The following CCDC110 variants were observed in gnomAD, a reference collection of about 807,000 sequenced individuals.
CCDC110 encodes coiled-coil domain-containing protein 110.
Under a neutral mutation model 77.1 loss-of-function variants are expected in CCDC110, and 70 were observed. The observed-to-expected ratio is 0.91, with a 90% CI of 0.75 to 1.11. The LOEUF (loss-of-function observed/expected upper bound fraction) is 1.11, where lower values mean the gene tolerates loss of function less well. Among genes scored for constraint, CCDC110 ranks in the 50% least tolerant of loss-of-function variants. The probability of loss-of-function intolerance (pLI) is 0.00; values close to 1 mark genes in which losing one functional copy is unlikely to be tolerated. For synonymous variants in CCDC110, 295 were observed against 312.5 expected (o/e 0.94, Z 0.59); for missense variants, 868 against 942.9 (o/e 0.92, Z 1.04).
chr4:185,445,744 A>T (rs768797186), intron 6 of CCDC110, among the ~76,000 whole-genome samples: 5 of 152,244 alleles, frequency 3.3e-5, no homozygotes, highest in Non-Finnish European at 4.4e-5. Flanking sequence ...CTTTTATAAA[A>T]ACAGTAGTAC....
At chr4:185,447,049 C>A (rs565813644) in intron 6 of CCDC110, among the ~76,000 whole-genome samples, 6 of 152,250 alleles carry the variant, frequency 3.9e-5, no homozygotes, top group African/African-American at 1.2e-4. Context: ...CTAAAGTCTG[C>A]TAATATCCTC....
chr4:185,453,027 C>T (rs1028402261), intron 6 of CCDC110, among the ~76,000 whole-genome samples: 3 of 151,726 alleles, frequency 2.0e-5, no homozygotes, highest in African/African-American at 7.3e-5. Flanking sequence ...TTATGAACAC[C>T]AAATTTAAAA....
chr4:185,465,444 C>T (rs1013103830), intron 2 of CCDC110, among the ~76,000 whole-genome samples: 21 of 152,196 alleles, frequency 1.4e-4, no homozygotes, highest in African/African-American at 5.1e-4. Context: ...CATCTTCCAT[C>T]TCTTCTTCCT....
chr4:185,456,713 C>A (rs1010548610), intron 6 of CCDC110, among the ~76,000 whole-genome samples: 2 of 152,236 alleles, frequency 1.3e-5, no homozygotes, highest in Admixed American at 6.5e-5. Context: ...AATAGAAAAT[C>A]TGAGTAGTTC....
At chr4:185,470,647 GAA>G (rs2095664336) in intron 2 of CCDC110, 1 of 523,216 alleles carries the variant, frequency 1.9e-6, no homozygotes, top group African/African-American at 1.9e-5. Flanking sequence ...CCGCCCTGCT[GAA>G]TGCCCGCTCC....
intron 6 of CCDC110, among the ~76,000 whole-genome samples, chr4:185,446,551 T>C (rs1405116521): frequency 6.6e-6 from 1 of 152,178 alleles, no homozygotes; most frequent in Non-Finnish European, 1.5e-5. Context: ...ATCTAGTCAG[T>C]TGCTTAAGTT....
Position 185,471,723 on chromosome 4 carries a change from C to T in CCDC110, c.-40G>A, listed in dbSNP as rs747193313. On this transcript the variant is annotated 5_prime_UTR_variant, in exon 1 of 7. It adds an upstream start codon to the 5' untranslated region. Coordinates refer to ENST00000307588, the MANE Select transcript of CCDC110 (RefSeq NM_152775.4). ...TCTCTCGCAACCGCCGCCGCACGCA[C>T]CCGCTCCGCCGCCCCGCGCAGGGCA... 12 of 1,518,692 alleles carry T rather than the reference C, an allele frequency of 7.9e-6. No individual in the cohort carries two copies. Among genetic ancestry groups the T allele is most frequent in the South Asian group, 1.3e-5 (1 of 79,782 alleles). The allele number at this position is 1,518,692 out of a possible 1,614,324, so 94.1% of individuals were successfully genotyped here. A position where few individuals can be genotyped will look rare whatever the true frequency, so the allele number is the denominator to read the frequency against.
chr4:185,471,035 C>T lies in CCDC110; in HGVS notation c.25G>A (p.Glu9Lys). The change falls in exon 2 of 7, where the codon GAA becomes AAA. Residue 9 changes from glutamate to lysine, a missense_variant. Physicochemically the swap from Glu to Lys is moderately conservative, Grantham distance 56. Coordinates refer to ENST00000307588, the MANE Select transcript of CCDC110 (RefSeq NM_152775.4). The stretch of plus-strand genomic sequence containing the variant: ...AGAACGGAGTCAACTTCATCCTCTT[C>T]CCGGTGCTGCTTTTCTGTAACAGAA... MSPEKQHR[E>K]EDEVDSVLLS... is the part of the protein sequence containing the mutation. The T allele has an allele frequency of 5.7e-6, 9 of 1,585,446 alleles. No homozygotes were observed. Among genetic ancestry groups the T allele is most frequent in the South Asian group, 1.1e-5 (1 of 89,892 alleles).
chr4:185,459,404 T>C lies in CCDC110; in HGVS notation c.1183A>G (p.Lys395Glu). 2 of 1,612,082 alleles carry C rather than the reference T, an allele frequency of 1.2e-6. No individual in the cohort carries two copies. Among genetic ancestry groups the C allele is most frequent in the South Asian group, 2.2e-5 (2 of 90,696 alleles). ...TTTACTAGAAATGGTTGTCTTTCTTTGTCTTTCATTTCATGTTTTGTTTGG... is the reference window on the plus strand; with the variant it reads ...TTTACTAGAAATGGTTGTCTTTCTTCGTCTTTCATTTCATGTTTTGTTTGG... ...LDQTKHEMKD[K>E]ERQPFLVKQG... is the part of the protein sequence containing the mutation. Residue 395 changes from lysine (K) to glutamate (E), a missense_variant, in exon 6 of 7, where the codon AAA (lysine) becomes GAA (glutamate). Transcript: ENST00000307588.
At position 185,459,389 on chromosome 4, in the gene CCDC110, A is replaced by G. The variant is rs369695651; in HGVS notation, c.1198T>C (p.Phe400Leu). The change falls in exon 6 of 7, where the codon TTT becomes CTT. Residue 400 changes from phenylalanine to leucine, a missense_variant. Physicochemically the swap from Phe to Leu is conservative, Grantham distance 22 (BLOSUM62 0). Coordinates refer to ENST00000307588, the MANE Select transcript of CCDC110 (RefSeq NM_152775.4). ...ATTATTGATCCTTGTTTTACTAGAAATGGTTGTCTTTCTTTGTCTTTCATT... is the reference window on the plus strand; with the variant it reads ...ATTATTGATCCTTGTTTTACTAGAAGTGGTTGTCTTTCTTTGTCTTTCATT... ...HEMKDKERQP[F>L]LVKQGSIISE... is the part of the protein sequence containing the mutation. 6.8e-6 allele frequency: 11 copies of G among 1,611,998 alleles called. No homozygotes were observed. Among genetic ancestry groups the G allele is most frequent in the Non-Finnish European group, 9.3e-6 (11 of 1,179,014 alleles).
At chr4:185,457,363 A>G in intron 6 of CCDC110, 1 of 455,244 alleles carries the variant, frequency 2.2e-6, no homozygotes, top group Non-Finnish European at 4.4e-6. Context: ...ACTATCCGTT[A>G]TAATACTCGG....
intron 2 of CCDC110, among the ~76,000 whole-genome samples, chr4:185,467,751 A>AGG (rs2095658863): frequency 6.6e-6 from 1 of 152,278 alleles, no homozygotes; most frequent in Admixed American, 6.5e-5. Context: ...ACAGACCAAG[A>AGG]GGAACCAATA....
chr4:185,455,739 C>T (rs538303238), intron 6 of CCDC110, among the ~76,000 whole-genome samples: 9 of 151,996 alleles, frequency 5.9e-5, no homozygotes, highest in South Asian at 2.1e-4. Context: ...AAAAATTAGC[C>T]GGGCATGGTA....
At chr4:185,457,721 GA>G (rs1238191313) in intron 6 of CCDC110, 37 of 1,247,756 alleles carry the variant, frequency 3.0e-5, no homozygotes, top group Admixed American at 1.0e-4. Context: ...TTTGTGGGGG[GA>G]AAAAGTACTT....
chr4:185,470,885 A>C, intron 2 of CCDC110, 60 bp downstream of exon 2: 1 of 1,230,444 alleles, frequency 8.1e-7, no homozygotes, highest in Middle Eastern at 1.9e-4. Flanking sequence ...CAGGTGGCAC[A>C]GGCCAGATGC....
chr4:185,449,534 AG>A, intron 6 of CCDC110: 1 of 1,097,542 alleles, frequency 9.1e-7, no homozygotes, highest in South Asian at 1.5e-5. Flanking sequence ...AAAAAAAAAA[AG>A]AATGTACAGG....
intron 2 of CCDC110, 101 bp from the exon 3 acceptor site, chr4:185,463,150 C>T (rs2095649475): frequency 1.3e-6 from 1 of 797,216 alleles, no homozygotes; most frequent in Admixed American, 2.2e-5. Flanking sequence ...GATAGTGAGG[C>T]AGAGATAATG....
chr4:185,450,742 T>A (rs866891812), intron 6 of CCDC110, among the ~76,000 whole-genome samples: 3 of 136,466 alleles, frequency 2.2e-5, no homozygotes, highest in Admixed American at 7.3e-5. Flanking sequence ...AGACTCTGTC[T>A]AAAAAAAAAA....
In CCDC110 at chr4:185,452,888, C is replaced by CAAAAAAAAAAAAAAA; in HGVS notation, c.2461+5223_2461+5237dup. ...CCAGCCTGGACGGCAGAGTGAGACTCAAAAAAAAAAAAAAAAAAAAAAAGC... is the reference window on the plus strand; with the variant it reads ...CCAGCCTGGACGGCAGAGTGAGACTCAAAAAAAAAAAAAAAAAAAAAAAAAAAAAAAAAAAAAAGC... On this transcript the variant is annotated intron_variant, in intron 6 of 6. Transcript: ENST00000307588. Among the ~76,000 whole-genome samples, 2 of 67,286 alleles carry CAAAAAAAAAAAAAAA rather than the reference C, an allele frequency of 3.0e-5. 1 individual carries two copies. Among genetic ancestry groups the CAAAAAAAAAAAAAAA allele is most frequent in the Non-Finnish European group, 5.8e-5 (2 of 34,294 alleles). The allele number at this position is 67,286 out of a possible 152,430, so 44.1% of individuals were successfully genotyped here.
Sources: gnomAD v4.1 joint callset for allele counts (sites outside exome capture counted in the v4.1 genomes callset) on GRCh38, gnomAD v4.1.1 for gene constraint, MANE v1.5 for transcripts, NCBI Gene and HGNC (gene_info 2026-07-23, HGNC 2026-07-21) for gene names.